Variants in FRMPD4 observed in about 807,000 individuals in gnomAD.
The protein encoded by FRMPD4 is FERM and PDZ domain containing 4, also known as FERM and PDZ domain-containing protein 4.
In FRMPD4, 22 loss-of-function variants were observed where a neutral mutation model predicts 94.1. The ratio of observed to expected loss-of-function variants is 0.23; its 90% confidence interval spans 0.17 to 0.33. The LOEUF is 0.33. Among genes scored for constraint, FRMPD4 ranks in the 10% least tolerant of loss-of-function variants. The pLI is 1.00. For synonymous variants in FRMPD4, 631 were observed against 548.6 expected (o/e 1.15, Z -2.10); for missense variants, 1,111 against 1,339.9 (o/e 0.83, Z 2.67).
At chrX:12,071,519 T>G (rs1167744790) in intron 3 of FRMPD4, among the ~76,000 whole-genome samples, 1 of 111,825 alleles carries the variant, frequency 8.9e-6, no homozygotes, top group African/African-American at 3.3e-5. Flanking sequence ...GATTACAATT[T>G]CATTAATTCA....
chrX:11,883,939 TGTG>T (rs1287210635), intron 3 of FRMPD4, among the ~76,000 whole-genome samples: 8 of 111,921 alleles, frequency 7.1e-5, no homozygotes, highest in Non-Finnish European at 9.4e-5. Flanking sequence ...ACTATGTTGA[TGTG>T]GTCCCAGAAC....
At chrX:12,369,463 A>C (rs1048838752) in intron 1 of FRMPD4, among the ~76,000 whole-genome samples, 1 of 112,003 alleles carries the variant, frequency 8.9e-6, no homozygotes, top group Non-Finnish European at 1.9e-5. Context: ...AACATTGGAG[A>C]CACAAAAAAC....
intron 1 of FRMPD4, among the ~76,000 whole-genome samples, chrX:12,242,095 T>G (rs887051273): frequency 2.7e-5 from 3 of 111,808 alleles, no homozygotes; most frequent in African/African-American, 9.7e-5. Context: ...CCATATACTT[T>G]AAGGTTGTTG....
At chrX:12,017,092 G>A (rs2054608581) in intron 3 of FRMPD4, among the ~76,000 whole-genome samples, 1 of 111,858 alleles carries the variant, frequency 8.9e-6, no homozygotes, top group East Asian at 2.8e-4. Flanking sequence ...TGGATAGTTT[G>A]TGTACGCTTC....
In FRMPD4 at chrX:12,152,761, T is replaced by C. The variant is rs1355365098; in HGVS notation, c.41+13749T>C. The stretch of plus-strand genomic sequence containing the variant: ...AGCAAATTAAGATAAAGCTGGAAGA[T>C]CGTATCATTATAAAAATGATCTGTT... On this transcript the variant is annotated intron_variant, in intron 1 of 16. Coordinates refer to ENST00000675598, the MANE Select transcript of FRMPD4 (RefSeq NM_001368397.1). 2.7e-5 allele frequency among the ~76,000 whole-genome samples: 3 copies of C among 111,051 alleles called. No homozygotes were observed. The Admixed American group carries it at 2.9e-4, about 11-fold the overall frequency.
intron 1 of FRMPD4, among the ~76,000 whole-genome samples, chrX:12,471,747 G>T (rs769029181): frequency 8.9e-6 from 1 of 111,946 alleles, no homozygotes; most frequent in East Asian, 2.8e-4. Flanking sequence ...TTCCCATTCT[G>T]TCTACTTTTC....
At chrX:12,342,595 A>G (rs1294732578) in intron 1 of FRMPD4, among the ~76,000 whole-genome samples, 1 of 111,956 alleles carries the variant, frequency 8.9e-6, no homozygotes, top group Non-Finnish European at 1.9e-5. Flanking sequence ...ATCCCAAGCT[A>G]AGGAAATATT....
intron 2 of FRMPD4, among the ~76,000 whole-genome samples, chrX:12,563,611 C>G (rs1444118572): frequency 3.6e-5 from 4 of 111,930 alleles, no homozygotes; most frequent in Non-Finnish European, 7.5e-5. Flanking sequence ...TGCCTATTAA[C>G]CAGGTGCCAG....
intron 2 of FRMPD4, among the ~76,000 whole-genome samples, chrX:11,867,186 G>A (rs752002531): frequency 1.0e-3 from 114 of 111,444 alleles, no homozygotes; most frequent in African/African-American, 3.2e-3. Context: ...ATGAAATCTG[G>A]TGATCAAACA....
intron 1 of FRMPD4, among the ~76,000 whole-genome samples, chrX:12,443,990 C>T (rs1344208754): frequency 9.0e-6 from 1 of 110,760 alleles, no homozygotes; most frequent in Non-Finnish European, 1.9e-5. Flanking sequence ...CTTGAAAGTC[C>T]CCGTTTTTTC....
At chrX:12,232,488 A>G (rs982856132) in intron 1 of FRMPD4, among the ~76,000 whole-genome samples, 5 of 110,790 alleles carry the variant, frequency 4.5e-5, no homozygotes, top group Admixed American at 9.6e-5. Context: ...CCATGATTCA[A>G]TTACCTCCAC....
intron 1 of FRMPD4, among the ~76,000 whole-genome samples, chrX:12,351,608 G>A (rs1024676266): frequency 1.8e-5 from 2 of 112,602 alleles, no homozygotes; most frequent in Admixed American, 9.4e-5. Context: ...TTACATCCTA[G>A]AACAAGACAC....
chrX:12,664,527 C>T (rs2059754287), intron 4 of FRMPD4, among the ~76,000 whole-genome samples: 1 of 111,954 alleles, frequency 8.9e-6, no homozygotes, highest in Non-Finnish European at 1.9e-5. Flanking sequence ...ATACGTTGAA[C>T]CAGCCTTGCA....
At chrX:12,531,998 T>A in intron 2 of FRMPD4, among the ~76,000 whole-genome samples, 1 of 112,075 alleles carries the variant, frequency 8.9e-6, no homozygotes, top group Non-Finnish European at 1.9e-5. Flanking sequence ...CGATTAAGGT[T>A]CAGAGGTAAA....
chrX:12,576,642 G>A (rs2058814391), intron 2 of FRMPD4, among the ~76,000 whole-genome samples: 1 of 112,745 alleles, frequency 8.9e-6, no homozygotes, highest in Non-Finnish European at 1.9e-5. Flanking sequence ...GTAATGGCAA[G>A]ATAAAGTGGA....
rs1458919544 is a variant in FRMPD4 at position 12,636,926 on chromosome X, TATG to T, written c.422+22048_422+22050del. Among the ~76,000 whole-genome samples the T allele has an allele frequency of 3.6e-5, 4 of 111,828 alleles. No homozygotes were observed. The South Asian group carries it at 1.1e-3, about 32-fold the overall frequency. On this transcript the variant is annotated intron_variant, in intron 4 of 16. Transcript: ENST00000675598. Reference sequence around the variant, plus strand: ...CTTTGTTAGTTTCTTGGCTTTCTGATATGATAAGATGCTCAAGGCTTAACTTGT... The same window carrying T: ...CTTTGTTAGTTTCTTGGCTTTCTGATATAAGATGCTCAAGGCTTAACTTGT...
chrX:12,218,789 T>C (rs1800669984), intron 1 of FRMPD4, among the ~76,000 whole-genome samples: 2 of 112,433 alleles, frequency 1.8e-5, no homozygotes, highest in African/African-American at 6.5e-5. Flanking sequence ...TTAGGGGCCA[T>C]TGCAGTTGGG....
At chrX:12,494,795 A>G (rs1157235332) in intron 1 of FRMPD4, among the ~76,000 whole-genome samples, 1 of 112,245 alleles carries the variant, frequency 8.9e-6, no homozygotes, top group Non-Finnish European at 1.9e-5. Flanking sequence ...TTTTTTGTCC[A>G]GGAAGGTTTC....
intron 1 of FRMPD4, among the ~76,000 whole-genome samples, chrX:12,379,699 T>G (rs182812428): frequency 1.0e-3 from 109 of 104,326 alleles, no homozygotes; most frequent in Non-Finnish European, 1.5e-3. Context: ...TTCAGAGGGC[T>G]TTTTCAAATG....
Sources: allele counts gnomAD v4.1 joint callset (sites outside exome capture counted in the v4.1 genomes callset), GRCh38; gene constraint gnomAD v4.1.1; transcripts MANE v1.5; gene names NCBI Gene and HGNC (gene_info 2026-07-23, HGNC 2026-07-21).